NELL1: variants seen among roughly 807,000 people sequenced by gnomAD.
The protein encoded by NELL1 is protein kinase C-binding protein NELL1.
Under a neutral mutation model 107.4 loss-of-function variants are expected in NELL1, and 76 were observed. That is an observed-to-expected ratio of 0.71 (90% CI 0.59 to 0.86). The LOEUF (loss-of-function observed/expected upper bound fraction) is 0.86, where lower values mean the gene tolerates loss of function less well. NELL1 is among the 40% of genes least tolerant of loss of function. The pLI, the probability that NELL1 is intolerant of heterozygous loss-of-function variation, is 0.00. For synonymous variants in NELL1, 353 were observed against 341.2 expected (o/e 1.03, Z -0.38); for missense variants, 1,024 against 1,005.5 (o/e 1.02, Z -0.25).
chr11:20,869,178 A>T (rs1849150543), intron 4 of NELL1, among the ~76,000 whole-genome samples: 1 of 152,100 alleles, frequency 6.6e-6, no homozygotes, highest in Non-Finnish European at 1.5e-5. Flanking sequence ...TACTTAACTG[A>T]TGTTTCTTGA....
rs373373138 is a variant in NELL1, at chr11:21,420,092, A to G, written c.1645+49144A>G. On this transcript the variant is annotated intron_variant, in intron 15 of 19. Coordinates refer to ENST00000357134, the MANE Select transcript of NELL1 (RefSeq NM_006157.5). ...CGTGTGTTTGAATGGATACAAAAAC[A>G]TATTGCACACTTGGTCCATTCAAGT... 5.3e-5 allele frequency among the ~76,000 whole-genome samples: 8 copies of G among 152,174 alleles called. No individual in the cohort carries two copies. In the South Asian group the frequency reaches 1.7e-3, roughly 32 times the overall value.
In NELL1 at chr11:21,505,978, T is replaced by C. The variant is rs1590988056; in HGVS notation, c.1646-28396T>C. On this transcript the variant is annotated intron_variant, in intron 15 of 19. Coordinates refer to ENST00000357134, the MANE Select transcript of NELL1 (RefSeq NM_006157.5). Reference sequence around the variant, plus strand: ...GGTGCATACACCAAAACCCAAAATATCTGTTTAGTTCAGAGCCACCAGCAT... The same window carrying C: ...GGTGCATACACCAAAACCCAAAATACCTGTTTAGTTCAGAGCCACCAGCAT... 2.0e-5 allele frequency among the ~76,000 whole-genome samples: 3 copies of C among 152,184 alleles called. No homozygotes were observed. In the South Asian group the frequency reaches 6.2e-4, roughly 31 times the overall value.
intron 12 of NELL1, among the ~76,000 whole-genome samples, chr11:21,006,227 A>C (rs935189515): frequency 1.3e-5 from 2 of 151,936 alleles, no homozygotes; most frequent in Admixed American, 1.3e-4. Flanking sequence ...GAGGCTTTGG[A>C]AGGTATTAGA....
At position 21,453,726 on chromosome 11, in the gene NELL1, C is replaced by A. The variant is rs1039849662; in HGVS notation, c.1646-80648C>A. 1.6e-4 allele frequency among the ~76,000 whole-genome samples: 25 copies of A among 151,560 alleles called. No homozygotes were observed. In the East Asian group the frequency reaches 3.7e-3, roughly 22 times the overall value. ...TCATTTCTTTTTCCCTTTTTTCCCA[C>A]CTTCTTTAGAGTTGTATTTTATGAT... On this transcript the variant is annotated intron_variant, in intron 15 of 19. Coordinates refer to ENST00000357134, the MANE Select transcript of NELL1 (RefSeq NM_006157.5).
chr11:21,028,116 TA>T (rs1852863657), intron 12 of NELL1, among the ~76,000 whole-genome samples: 1 of 152,196 alleles, frequency 6.6e-6, no homozygotes, highest in South Asian at 2.1e-4. Flanking sequence ...AAATCTTGTG[TA>T]CCCACACCCT....
chr11:20,815,255 G>A (rs1857598901), intron 3 of NELL1, among the ~76,000 whole-genome samples: 1 of 151,978 alleles, frequency 6.6e-6, no homozygotes, highest in African/African-American at 2.4e-5. Context: ...AGTAGAGACA[G>A]GGTTTTGTAG....
At chr11:21,085,646 A>G (rs983470209) in intron 12 of NELL1, among the ~76,000 whole-genome samples, 1 of 152,130 alleles carries the variant, frequency 6.6e-6, no homozygotes, top group Non-Finnish European at 1.5e-5. Context: ...AAACCAAAAA[A>G]CAAAAAACGA....
At chr11:21,133,286 T>C (rs551211490) in intron 13 of NELL1, among the ~76,000 whole-genome samples, 3 of 152,284 alleles carry the variant, frequency 2.0e-5, no homozygotes, top group African/African-American at 7.2e-5. Flanking sequence ...AAGTACATGC[T>C]GATAGGTCCA....
intron 12 of NELL1, among the ~76,000 whole-genome samples, chr11:20,962,802 A>G (rs1851316012): frequency 6.6e-6 from 1 of 152,158 alleles, no homozygotes; most frequent in Non-Finnish European, 1.5e-5. Flanking sequence ...CGGTTGGGTA[A>G]TGGCAATGTG....
intron 15 of NELL1, among the ~76,000 whole-genome samples, chr11:21,436,627 A>G (rs75273874): frequency 1.3e-5 from 2 of 152,046 alleles, no homozygotes; most frequent in Non-Finnish European, 2.9e-5. Flanking sequence ...TTAAGTATCT[A>G]TTTAGTTTAT....
intron 14 of NELL1, among the ~76,000 whole-genome samples, chr11:21,274,475 C>T (rs568503975): frequency 6.6e-6 from 1 of 152,296 alleles, no homozygotes; most frequent in East Asian, 1.9e-4. Flanking sequence ...CCACTGTCAA[C>T]ATTAGACAGA....
At chr11:21,394,101 C>A (rs1851934616) in intron 15 of NELL1, among the ~76,000 whole-genome samples, 1 of 151,542 alleles carries the variant, frequency 6.6e-6, no homozygotes, top group Non-Finnish European at 1.5e-5. Flanking sequence ...ATTGCCTGTG[C>A]CAGGATGGCT....
chr11:20,967,647 T>C (rs77301960), intron 12 of NELL1, among the ~76,000 whole-genome samples: 1,716 of 152,304 alleles, frequency 0.011, 17 homozygotes, highest in Non-Finnish European at 0.017. Flanking sequence ...AATTCACTCA[T>C]GTCTTGCTGT....
At chr11:20,894,342 T>C (rs536463651) in intron 5 of NELL1, among the ~76,000 whole-genome samples, 55 of 152,306 alleles carry the variant, frequency 3.6e-4, no homozygotes, top group African/African-American at 1.3e-3. Flanking sequence ...TAAAAAGGCA[T>C]GTCAAGGAAT....
chr11:21,532,890 T>A (rs1317938249), intron 15 of NELL1, among the ~76,000 whole-genome samples: 1 of 152,148 alleles, frequency 6.6e-6, no homozygotes, highest in African/African-American at 2.4e-5. Flanking sequence ...AGTTTTAAAG[T>A]TTTTAGTGAT....
At chr11:21,002,417 G>T (rs1852243328) in intron 12 of NELL1, among the ~76,000 whole-genome samples, 1 of 134,820 alleles carries the variant, frequency 7.4e-6, no homozygotes, top group Non-Finnish European at 1.6e-5. Flanking sequence ...TTGGGCTTGG[G>T]TAGGTGAATG....
chr11:21,134,753 C>T (rs1855706141), intron 13 of NELL1, among the ~76,000 whole-genome samples: 1 of 152,142 alleles, frequency 6.6e-6, no homozygotes, highest in Admixed American at 6.5e-5. Context: ...ATGCAACCCA[C>T]AGTAATCTAT....
chr11:21,431,161 C>T (rs535515617), intron 15 of NELL1, among the ~76,000 whole-genome samples: 152 of 152,130 alleles, frequency 1.0e-3, no homozygotes, highest in African/African-American at 3.4e-3. Flanking sequence ...CTGATTTACT[C>T]ACTTCCTCCC....
At chr11:21,388,776 G>T (rs543776620) in intron 15 of NELL1, among the ~76,000 whole-genome samples, 1 of 151,808 alleles carries the variant, frequency 6.6e-6, no homozygotes, top group African/African-American at 2.4e-5. Flanking sequence ...AAGGTATGGT[G>T]TAATACATCC....
Sources: gnomAD v4.1 joint callset for allele counts (sites outside exome capture counted in the v4.1 genomes callset) on GRCh38, gnomAD v4.1.1 for gene constraint, MANE v1.5 for transcripts, NCBI Gene and HGNC (gene_info 2026-07-23, HGNC 2026-07-21) for gene names.